STK32C: variants seen among roughly 807,000 people sequenced by gnomAD.
The protein encoded by STK32C is serine/threonine kinase 32C.
In STK32C, 31 loss-of-function variants were observed where a neutral mutation model predicts 56.5. The observed-to-expected ratio is 0.55, with a 90% confidence interval of 0.41 to 0.74. The LOEUF is 0.74. Ranked by LOEUF, STK32C falls within the 30% of genes least tolerant of loss-of-function variation. The probability of loss-of-function intolerance (pLI) is 0.00; values close to 1 mark genes in which losing one functional copy is unlikely to be tolerated. For synonymous variants in STK32C, 309 were observed against 289.4 expected, an observed-to-expected ratio of 1.07 and a Z score of -0.69; for missense variants, 544 against 676.9, an observed-to-expected ratio of 0.80 and a Z score of 2.18.
intron 1 of STK32C, among the ~76,000 whole-genome samples, chr10:132,267,480 CCTGT>C (rs10605465): frequency 0.1 from 15,655 of 150,994 alleles, 1,133 homozygotes; most frequent in African/African-American, 0.22. Flanking sequence ...CAGCTCTATG[CCTGT>C]CTGTGTGCAT....
intron 1 of STK32C, among the ~76,000 whole-genome samples, chr10:132,247,810 C>A (rs1476634318): frequency 1.3e-5 from 2 of 152,022 alleles, no homozygotes; most frequent in Non-Finnish European, 2.9e-5. Context: ...TAGAAAGGCA[C>A]TCCCCACTGC....
chr10:132,284,843 AAC>A (rs2065347068), intron 1 of STK32C, among the ~76,000 whole-genome samples: 2 of 86,806 alleles, frequency 2.3e-5, no homozygotes, highest in South Asian at 6.5e-4. Context: ...ATGAACCCAG[AAC>A]ACATTCCCAC....
At chr10:132,260,354 C>A (rs557393753) in intron 1 of STK32C, among the ~76,000 whole-genome samples, 3 of 152,308 alleles carry the variant, frequency 2.0e-5, no homozygotes, top group African/African-American at 7.2e-5. Context: ...TGAGAGCCAA[C>A]TGCACGGAAG....
At chr10:132,296,448 T>C (rs975676396) in intron 1 of STK32C, among the ~76,000 whole-genome samples, 2 of 152,104 alleles carry the variant, frequency 1.3e-5, no homozygotes, top group African/African-American at 4.8e-5. Context: ...AAGGGGAAAC[T>C]GCTTCTGGGG....
At chr10:132,219,258 A>G (rs2062560309) in intron 10 of STK32C, among the ~76,000 whole-genome samples, 3 of 152,216 alleles carry the variant, frequency 2.0e-5, no homozygotes, top group Admixed American at 2.0e-4. Flanking sequence ...CTCAGCCTCA[A>G]GGTTAACAGT....
chr10:132,242,656 C>T (rs564624439), intron 2 of STK32C, among the ~76,000 whole-genome samples: 76 of 152,330 alleles, frequency 5.0e-4, no homozygotes, highest in Middle Eastern at 6.8e-3. Context: ...CCCATGCGGC[C>T]CCCCGCGCCC....
chr10:132,321,256 T>C (rs1203554470), downstream of STK32C, among the ~76,000 whole-genome samples: 1 of 152,200 alleles, frequency 6.6e-6, no homozygotes, highest in Non-Finnish European at 1.5e-5. Flanking sequence ...AGATGCAAGC[T>C]GCATCTGTGG....
At chr10:132,227,414 G>A (rs2062927678) in intron 3 of STK32C, among the ~76,000 whole-genome samples, 1 of 152,214 alleles carries the variant, frequency 6.6e-6, no homozygotes, top group Admixed American at 6.5e-5. Flanking sequence ...TGTTGACGAT[G>A]GCAGTGATGG....
Position 132,263,370 on chromosome 10 carries a change from G to A in STK32C, c.263-17415C>T, listed in dbSNP as rs139950677. ...AACTCAATACCACATGTCCTCATGT[G>A]TAGGTGGGAGCTAACCACTGGGCAC... On this transcript the variant is annotated intron_variant, in intron 1 of 11. Coordinates refer to ENST00000298630, the MANE Select transcript of STK32C (RefSeq NM_173575.4). Among the ~76,000 whole-genome samples, 13 of 152,250 alleles carry A rather than the reference G, an allele frequency of 8.5e-5. No homozygotes were observed. The East Asian group carries it at 2.3e-3, about 27-fold the overall frequency.
At chr10:132,331,006 G>T (rs1275323299) in intron 1 of STK32C, among the ~76,000 whole-genome samples, 3 of 150,946 alleles carry the variant, frequency 2.0e-5, no homozygotes, top group East Asian at 2.0e-4. Context: ...ATCGAGACCA[G>T]CCTGGCCAAC....
intron 1 of STK32C, among the ~76,000 whole-genome samples, chr10:132,300,035 TTGCCAAGGCCCCAGAA>T (rs1398710921): frequency 6.6e-6 from 1 of 152,244 alleles, no homozygotes; most frequent in Non-Finnish European, 1.5e-5. Context: ...AATGTCATCC[TTGCCAAGGCCCCAGAA>T]TGCGTGCAAC....
At chr10:132,265,227 G>T (rs146390158) in intron 1 of STK32C, among the ~76,000 whole-genome samples, 2,315 of 142,034 alleles carry the variant, frequency 0.016, 111 homozygotes, top group African/African-American at 0.066. Context: ...GAGCTGCCAG[G>T]GCAGCGAGGT....
Position 132,279,264 on chromosome 10 carries a change from G to A in STK32C, c.262+28308C>T, listed in dbSNP as rs572255650. Among the ~76,000 whole-genome samples, 207 of 152,318 alleles carry A rather than the reference G, an allele frequency of 1.4e-3. 1 individual carries two copies. The highest frequency in any genetic ancestry group is 4.5e-3 in the African/African-American group (187 of 41,558). ...CCCTGGGCTACCCGTGTCCATAACA[G>A]GCGAGGTGACATGACCATGTTACGG... On this transcript the variant is annotated intron_variant, in intron 1 of 11. Coordinates refer to ENST00000298630, the MANE Select transcript of STK32C (RefSeq NM_173575.4).
rs1001207211 is a variant in STK32C at position 132,222,781 on chromosome 10, G to A, written c.1120-9C>T. 1 of 1,597,724 alleles carries A rather than the reference G, an allele frequency of 6.3e-7. No homozygotes were observed. Among genetic ancestry groups the A allele is most frequent in the South Asian group, 1.1e-5 (1 of 88,728 alleles). ...CAGTGCAGACGGCCTTTCTACAGAG[G>A]GATGGGTGCTGAGCCCCGGCCCGTG... On this transcript the variant is annotated splice_polypyrimidine_tract_variant and intron_variant, in intron 9 of 11. Coordinates refer to ENST00000298630, the MANE Select transcript of STK32C (RefSeq NM_173575.4).
intron 2 of STK32C, among the ~76,000 whole-genome samples, chr10:132,241,354 G>A (rs191520083): frequency 6.8e-4 from 104 of 152,290 alleles, no homozygotes; most frequent in Middle Eastern, 6.8e-3. Context: ...TTTAACACTG[G>A]GAAAAGTTAG....
chr10:132,224,319 G>A, intron 8 of STK32C, 88 bp downstream of exon 8: 4 of 941,828 alleles, frequency 4.2e-6, no homozygotes, highest in South Asian at 4.2e-5. Flanking sequence ...CACTAACTGT[G>A]CACTGGAGGG....
intron 11 of STK32C, 69 bp downstream of exon 11, chr10:132,208,965 G>GA (rs2062197671): frequency 6.6e-7 from 1 of 1,511,914 alleles, no homozygotes; most frequent in South Asian, 1.2e-5. Flanking sequence ...ACGTGGCCAA[G>GA]AAAACCTTAA....
At chr10:132,317,685 C>T (rs1167856171) in intron 1 of STK32C, among the ~76,000 whole-genome samples, 1 of 152,016 alleles carries the variant, frequency 6.6e-6, no homozygotes, top group Non-Finnish European at 1.5e-5. Context: ...CAGGATTGCA[C>T]CAGTGCACTC....
upstream of STK32C, chr10:132,331,918 C>G (rs1488384984): frequency 1.7e-5 from 11 of 651,658 alleles, no homozygotes; most frequent in Admixed American, 8.9e-5. Context: ...GCACCACAAC[C>G]CCCCCACCGC....
Sources: gnomAD v4.1 joint callset for allele counts (sites outside exome capture counted in the v4.1 genomes callset) on GRCh38, gnomAD v4.1.1 for gene constraint, MANE v1.5 for transcripts, NCBI Gene and HGNC (gene_info 2026-07-23, HGNC 2026-07-21) for gene names.